The following BIRC6 variants were observed in gnomAD, a reference collection of about 807,000 sequenced individuals.
The protein encoded by BIRC6 is dual E2 ubiquitin-conjugating enzyme/E3 ubiquitin-protein ligase BIRC6.
In BIRC6, 98 loss-of-function variants were observed where a neutral mutation model predicts 503.3. The observed-to-expected ratio is 0.19, with a 90% CI of 0.17 to 0.23. The LOEUF is 0.23. Among genes scored for constraint, BIRC6 ranks in the 10% least tolerant of loss-of-function variants. The pLI, the probability that BIRC6 is intolerant of heterozygous loss-of-function variation, is 1.00. For synonymous variants in BIRC6, 2,240 were observed against 2,078.7 expected (o/e 1.08, Z -2.11); for missense variants, 5,360 against 5,806.0 (o/e 0.92, Z 2.50).
chr2:32,505,344 A>G, intron 50 of BIRC6, 139 bp downstream of exon 50: 1 of 675,978 alleles, frequency 1.5e-6, no homozygotes. Flanking sequence ...TTTTATTGAA[A>G]TAATTAATAC....
At chr2:32,366,773 AG>A (rs1173086629) in intron 1 of BIRC6, among the ~76,000 whole-genome samples, 1 of 151,386 alleles carries the variant, frequency 6.6e-6, no homozygotes, top group Admixed American at 6.6e-5. Flanking sequence ...GTCTGAGGCC[AG>A]GAGTTTGAGA....
chr2:32,429,110 A>G (rs763354651), intron 10 of BIRC6, 36 bp from the exon 11 acceptor site: 5 of 1,526,820 alleles, frequency 3.3e-6, no homozygotes, highest in South Asian at 2.5e-5. Flanking sequence ...ATGTTTACCT[A>G]TTTTTCATGT....
intron 10 of BIRC6, among the ~76,000 whole-genome samples, chr2:32,427,385 C>T (rs887987259): frequency 6.6e-5 from 10 of 152,062 alleles, no homozygotes; most frequent in South Asian, 2.1e-4. Context: ...CGGGTTCAAG[C>T]GATTCTCCTT....
chr2:32,362,073 A>G (rs983704564), intron 1 of BIRC6, among the ~76,000 whole-genome samples: 1 of 152,204 alleles, frequency 6.6e-6, no homozygotes, highest in African/African-American at 2.4e-5. Flanking sequence ...GCTGGGTTGC[A>G]TGTGAGAGTA....
At chr2:32,602,867 A>T in intron 70 of BIRC6, 139 bp from the exon 71 acceptor site, 1 of 584,774 alleles carries the variant, frequency 1.7e-6, no homozygotes, top group Non-Finnish European at 2.8e-6. Context: ...TTTAACAGAC[A>T]ACCCTTAGGG....
At chr2:32,411,417 A>T (rs201116144) in intron 9 of BIRC6, among the ~76,000 whole-genome samples, 21 of 122,132 alleles carry the variant, frequency 1.7e-4, no homozygotes, top group African/African-American at 3.9e-4. Flanking sequence ...ATATATATAT[A>T]TTTTATTTTT....
At chr2:32,427,176 A>AT (rs1415383440) in intron 10 of BIRC6, among the ~76,000 whole-genome samples, 3 of 151,938 alleles carry the variant, frequency 2.0e-5, no homozygotes, top group Admixed American at 2.0e-4. Flanking sequence ...GTTTTTGCCC[A>AT]TTATTTTTTC....
At position 32,588,760 on chromosome 2, in the gene BIRC6, C is replaced by T. The variant is rs562570245; in HGVS notation, c.13356-5155C>T. Among the ~76,000 whole-genome samples, 10 of 152,172 alleles carry T rather than the reference C, an allele frequency of 6.6e-5. No individual in the cohort carries two copies. In the East Asian group the frequency reaches 7.7e-4, roughly 12 times the overall value. ...CCTCCACTAATAAAGGGATTTCTGG[C>T]GTGGATAACATAATACTTTAAATCT... On this transcript the variant is annotated intron_variant, in intron 66 of 73. Transcript: ENST00000421745.
chr2:32,518,265 A>G lies in BIRC6; in HGVS notation c.11361A>G (p.Glu3787=). Residue 3787 remains glutamate, a synonymous_variant, in exon 56 of 74, where the codon GAA becomes GAG. Transcript: ENST00000421745. The stretch of plus-strand genomic sequence containing the variant: ...TTTTGTCTTGCCAGGTTCTTTGTGA[A>G]CTATTTCAGACATCTCCTCAAAGAG... ...NQKLMAQVLC[E]LFQTSPQRGN... is the part of the protein sequence containing the mutation. The G allele has an allele frequency of 1.2e-6, 2 of 1,612,672 alleles. No individual in the cohort carries two copies. Among genetic ancestry groups the G allele is most frequent in the Non-Finnish European group, 1.7e-6 (2 of 1,179,372 alleles).
Position 32,515,210 on chromosome 2 carries a change from A to C in BIRC6, c.10789A>C (p.Lys3597Gln). Residue 3597 changes from lysine (K) to glutamine (Q), a missense_variant, in exon 55 of 74, where the codon AAA (lysine) becomes CAA (glutamine). Physicochemically the swap from Lys to Gln is moderately conservative, Grantham distance 53. Around this residue, in one of 16 missense-constraint regions of BIRC6, gnomAD observed 878 missense variants for 928.9 expected, o/e 0.95. Coordinates refer to ENST00000421745, the MANE Select transcript of BIRC6 (RefSeq NM_016252.4). The stretch of plus-strand genomic sequence containing the variant: ...TAGTTCATCTTTAACAGATGACTCT[A>C]AAAATGCACAAGCACCTCTCGCATT... ...DLSSSLTDDS[K>Q]NAQAPLALTE... is the part of the protein sequence containing the mutation. 1 of 1,613,952 alleles carries C rather than the reference A, an allele frequency of 6.2e-7. No homozygotes were observed. Among genetic ancestry groups the C allele is most frequent in the Non-Finnish European group, 8.5e-7 (1 of 1,179,888 alleles).
intron 61 of BIRC6, chr2:32,532,286 GC>G (rs1470368734): frequency 2.1e-6 from 1 of 484,800 alleles, no homozygotes; most frequent in Non-Finnish European, 4.3e-6. Context: ...AGTTGAGGAG[GC>G]TGTAAGTCTG....
chr2:32,589,435 G>A (rs1468402412), intron 66 of BIRC6, among the ~76,000 whole-genome samples: 1 of 152,054 alleles, frequency 6.6e-6, no homozygotes, highest in South Asian at 2.1e-4. Context: ...TTTTCTACCA[G>A]ACTCTTTTAT....
Position 32,479,520 on chromosome 2 carries a change from T to C in BIRC6, c.7311T>C (p.Asp2437=). Reference sequence around the variant, plus strand: ...TGGAGGAAGGAACAGTGGGTGATGATGTAGGTGCGACAGCTGGTGACTCTG... The same window carrying C: ...TGGAGGAAGGAACAGTGGGTGATGACGTAGGTGCGACAGCTGGTGACTCTG... ...EAMEEGTVGD[D]VGATAGDSDD... Residue 2437 remains aspartate (D), a synonymous_variant, in exon 37 of 74, where the codon GAT becomes GAC. Coordinates refer to ENST00000421745, the MANE Select transcript of BIRC6 (RefSeq NM_016252.4). The C allele has an allele frequency of 1.2e-6, 2 of 1,605,864 alleles. No individual in the cohort carries two copies. The highest frequency in any genetic ancestry group is 2.2e-5 in the South Asian group (2 of 89,342).
chr2:32,588,166 C>T (rs532296539), intron 66 of BIRC6, among the ~76,000 whole-genome samples: 283 of 152,218 alleles, frequency 1.9e-3, no homozygotes, highest in Admixed American at 3.1e-3. Flanking sequence ...CCAGCCTGGC[C>T]AACATGGTGA....
At chr2:32,605,950 G>T (rs1021265866) in intron 71 of BIRC6, among the ~76,000 whole-genome samples, 7 of 152,218 alleles carry the variant, frequency 4.6e-5, no homozygotes, top group African/African-American at 1.7e-4. Flanking sequence ...CTTGGCATCA[G>T]TATGGTCACT....
At chr2:32,469,161 A>T (rs987207711) in intron 29 of BIRC6, among the ~76,000 whole-genome samples, 1 of 152,218 alleles carries the variant, frequency 6.6e-6, no homozygotes. Flanking sequence ...TGACACAGCC[A>T]TCTGACACAT....
chr2:32,361,017 C>T (rs1312471542), intron 1 of BIRC6, among the ~76,000 whole-genome samples: 12 of 152,266 alleles, frequency 7.9e-5, no homozygotes, highest in African/African-American at 2.6e-4. Context: ...GCCTCCTTGG[C>T]TCAGGCAGTC....
At position 32,473,252 on chromosome 2, in the gene BIRC6, A is replaced by T; in HGVS notation, c.6720+13A>T. The T allele has an allele frequency of 6.6e-7, 1 of 1,511,102 alleles. No homozygotes were observed. Among genetic ancestry groups the T allele is most frequent in the Non-Finnish European group, 8.9e-7 (1 of 1,128,150 alleles). 93.6% of individuals were successfully genotyped at this position (1,511,102 alleles called of 1,614,324 possible). On this transcript the variant is annotated intron_variant, in intron 33 of 73. Transcript: ENST00000421745. ...TCATCATAAACAGGTAATTGTCAAT[A>T]TATTTAAAAATTTTTAATGTTTGAG... is the stretch of plus-strand genomic sequence containing the variant.
chr2:32,392,284 G>GT (rs1039814659), intron 5 of BIRC6, 134 bp downstream of exon 5: 6 of 635,702 alleles, frequency 9.4e-6, no homozygotes, highest in African/African-American at 1.8e-5. Context: ...ATGGATGCTT[G>GT]TTTTTTTGGC....
Sources: gnomAD v4.1 joint callset for allele counts (sites outside exome capture counted in the v4.1 genomes callset) on GRCh38, gnomAD v4.1.1 for gene constraint, gnomAD v4.1.1 regional missense constraint, MANE v1.5 for transcripts, NCBI Gene and HGNC (gene_info 2026-07-23, HGNC 2026-07-21) for gene names.